The following SEPTIN11 variants were observed in gnomAD, a reference collection of about 807,000 sequenced individuals.
The protein encoded by SEPTIN11 is septin-11.
In SEPTIN11, 25 loss-of-function variants were observed where a neutral mutation model predicts 51.4. That is an observed-to-expected ratio of 0.49 (90% CI 0.35 to 0.68). The LOEUF is 0.68. SEPTIN11 is among the 30% of genes least tolerant of loss of function. SEPTIN11 has a pLI of 0.00. For synonymous variants in SEPTIN11, 174 were observed against 184.1 expected, an observed-to-expected ratio of 0.95 and a Z score of 0.44; for missense variants, 381 against 520.8, an observed-to-expected ratio of 0.73 and a Z score of 2.61.
intron 1 of SEPTIN11, among the ~76,000 whole-genome samples, chr4:76,961,054 G>T (rs1721807706): frequency 6.6e-6 from 1 of 152,136 alleles, no homozygotes; most frequent in South Asian, 2.1e-4. Flanking sequence ...GGGGAGAAAA[G>T]GCTAAGACTC....
At chr4:77,013,563 C>A (rs186609885) in intron 4 of SEPTIN11, among the ~76,000 whole-genome samples, 2 of 152,174 alleles carry the variant, frequency 1.3e-5, no homozygotes, top group Non-Finnish European at 1.5e-5. Flanking sequence ...TAGGAAGTTT[C>A]TTGTTCCTCT....
intron 7 of SEPTIN11, among the ~76,000 whole-genome samples, chr4:77,027,832 T>A (rs1252801830): frequency 6.6e-6 from 1 of 152,204 alleles, no homozygotes; most frequent in Admixed American, 6.5e-5. Context: ...TTGTTTTGAC[T>A]TAGAGATAAA....
chr4:77,020,495 C>T lies in SEPTIN11; in HGVS notation c.785-7C>T. ...CCCACTTCCGCCATTTCCCCCCTCT[C>T]TTGTAGTTGAGAATGAAAATCATTG... On this transcript the variant is annotated splice_region_variant and splice_polypyrimidine_tract_variant and intron_variant, in intron 6 of 9. Coordinates refer to ENST00000264893, the MANE Select transcript of SEPTIN11 (RefSeq NM_018243.4). 1.2e-6 allele frequency: 2 copies of T among 1,613,522 alleles called. No individual in the cohort carries two copies. The highest frequency in any genetic ancestry group is 1.7e-6 in the Non-Finnish European group (2 of 1,179,712).
At chr4:76,982,701 T>C (rs1056786907) in intron 1 of SEPTIN11, among the ~76,000 whole-genome samples, 1 of 152,234 alleles carries the variant, frequency 6.6e-6, no homozygotes, top group African/African-American at 2.4e-5. Flanking sequence ...AAGACTCAAA[T>C]TCCTTAAGAA....
intron 1 of SEPTIN11, among the ~76,000 whole-genome samples, chr4:76,962,036 G>A (rs1043500234): frequency 4.6e-5 from 7 of 152,166 alleles, no homozygotes; most frequent in African/African-American, 1.7e-4. Context: ...AAAAAATTTT[G>A]CTGAAATAAA....
chr4:77,021,555 G>T (rs954929970), intron 7 of SEPTIN11: 1 of 153,010 alleles, frequency 6.5e-6, no homozygotes, highest in Non-Finnish European at 1.5e-5. Flanking sequence ...GATTACAGGC[G>T]TGAGCCACCG....
At chr4:76,983,630 A>C (rs1261594377) in intron 1 of SEPTIN11, among the ~76,000 whole-genome samples, 1 of 152,214 alleles carries the variant, frequency 6.6e-6, no homozygotes, top group Non-Finnish European at 1.5e-5. Context: ...ATGGCAGTAG[A>C]AAACTAGCAC....
chr4:77,035,736 G>C lies in SEPTIN11; in HGVS notation c.*1224G>C, dbSNP rs930925231. The stretch of plus-strand genomic sequence containing the variant: ...CACCTGCTCTTTGTCTAAGGCCCTT[G>C]CCTCATCAGGGATTAGAACTGGCCC... On this transcript the variant is annotated 3_prime_UTR_variant, in exon 10 of 10. Coordinates refer to ENST00000264893, the MANE Select transcript of SEPTIN11 (RefSeq NM_018243.4). The C allele has an allele frequency of 7.2e-5, 71 of 985,880 alleles. No homozygotes were observed. Among genetic ancestry groups the C allele is most frequent in the Non-Finnish European group, 8.1e-5 (67 of 829,942 alleles). The allele number at this position is 985,880 out of a possible 1,614,324, so 61.1% of individuals were successfully genotyped here. A position where few individuals can be genotyped will look rare whatever the true frequency, so the allele number is the denominator to read the frequency against.
rs149388947 is a variant in SEPTIN11, at chr4:76,978,789, C to T, written c.28-17636C>T. On this transcript the variant is annotated intron_variant, in intron 1 of 9. Transcript: ENST00000264893. ...TTCCTGAGAGCAAACACCCCTACAA[C>T]GTTTGACCTCTTCACTACCGTGTCT... 4.4e-3 allele frequency among the ~76,000 whole-genome samples: 677 copies of T among 152,308 alleles called. 18 individuals carry two copies. The highest frequency in any genetic ancestry group is 0.035 in the Admixed American group (534 of 15,300).
chr4:77,011,663 T>G, intron 3 of SEPTIN11, 72 bp from the exon 4 acceptor site: 1 of 1,403,730 alleles, frequency 7.1e-7, no homozygotes, highest in Non-Finnish European at 1.0e-6. Flanking sequence ...GAAGAAGCCA[T>G]TGTGATGTTG....
intron 9 of SEPTIN11, chr4:77,032,231 C>T (rs1297471391): frequency 1.3e-5 from 2 of 152,138 alleles, no homozygotes; most frequent in African/African-American, 4.8e-5. Context: ...AAATGTATCA[C>T]CAGAGCAAGG....
chr4:77,017,378 A>T (rs971880418), intron 5 of SEPTIN11, among the ~76,000 whole-genome samples: 7 of 152,164 alleles, frequency 4.6e-5, no homozygotes, highest in African/African-American at 1.7e-4. Context: ...ATTCCACGTA[A>T]TGTCTGAGGA....
At chr4:77,029,444 G>A (rs902583624) in intron 8 of SEPTIN11, among the ~76,000 whole-genome samples, 5 of 152,104 alleles carry the variant, frequency 3.3e-5, no homozygotes, top group Admixed American at 1.3e-4. Flanking sequence ...GTTTCTAAGT[G>A]AAATCATTTA....
intron 7 of SEPTIN11, among the ~76,000 whole-genome samples, chr4:77,025,274 C>T (rs1726037236): frequency 6.6e-6 from 1 of 152,158 alleles, no homozygotes; most frequent in Non-Finnish European, 1.5e-5. Flanking sequence ...CAGTGGCTCA[C>T]ACCTGAAATC....
intron 1 of SEPTIN11, among the ~76,000 whole-genome samples, chr4:76,968,343 T>C (rs1215581170): frequency 6.6e-6 from 1 of 152,198 alleles, no homozygotes; most frequent in Non-Finnish European, 1.5e-5. Flanking sequence ...TTCCCATTAA[T>C]CCTTATTGAG....
Position 76,949,873 on chromosome 4 carries a change from G to T in SEPTIN11, c.-31G>T. ...CAGCCGGAGTCGGCGTAAAGCACCCGGGCGCAGCCGGAGCCGGTGCCGCAG... is the reference window on the plus strand; with the variant it reads ...CAGCCGGAGTCGGCGTAAAGCACCCTGGCGCAGCCGGAGCCGGTGCCGCAG... On this transcript the variant is annotated 5_prime_UTR_variant, in exon 1 of 10. Transcript: ENST00000264893. The T allele has an allele frequency of 6.6e-7, 1 of 1,515,568 alleles. No homozygotes were observed. Among genetic ancestry groups the T allele is most frequent in the Admixed American group, 2.0e-5 (1 of 49,610 alleles). The allele number at this position is 1,515,568 out of a possible 1,614,324, so 93.9% of individuals were successfully genotyped here.
intron 4 of SEPTIN11, 123 bp downstream of exon 4, chr4:77,012,044 A>G: frequency 1.4e-6 from 1 of 697,392 alleles, no homozygotes; most frequent in Non-Finnish European, 2.2e-6. Flanking sequence ...ACAGTGTTTG[A>G]CAGCATGAGA....
At position 77,034,537 on chromosome 4, in the gene SEPTIN11, C is replaced by T. The variant is rs374140723; in HGVS notation, c.*25C>T. ...AAGCCTGGCAAGCCAAGGATGTTCC[C>T]GCATTCACCTGCTTTTGCAGTAATA... On this transcript the variant is annotated 3_prime_UTR_variant, in exon 10 of 10. Transcript: ENST00000264893. The T allele has an allele frequency of 4.2e-5, 65 of 1,552,622 alleles. No individual in the cohort carries two copies. Among genetic ancestry groups the T allele is most frequent in the South Asian group, 1.2e-4 (9 of 78,000 alleles).
In SEPTIN11 at chr4:77,036,740, T is replaced by C. The variant is rs1313250724; in HGVS notation, c.*2228T>C. ...GTTTGTTATTGCTGCTTTTCTTTTT[T>C]CTTTCTGTATCTATGCCTTTTTTTC... is the stretch of plus-strand genomic sequence containing the variant. On this transcript the variant is annotated 3_prime_UTR_variant, in exon 10 of 10. Transcript: ENST00000264893. 12 of 1,534,866 alleles carry C rather than the reference T, an allele frequency of 7.8e-6. No individual in the cohort carries two copies. The highest frequency in any genetic ancestry group is 1.0e-5 in the Non-Finnish European group (12 of 1,146,842).
Sources: gnomAD v4.1 joint callset for allele counts (sites outside exome capture counted in the v4.1 genomes callset) on GRCh38, gnomAD v4.1.1 for gene constraint, MANE v1.5 for transcripts, NCBI Gene and HGNC (gene_info 2026-07-23, HGNC 2026-07-21) for gene names.